EPHA7: variants seen among roughly 807,000 people sequenced by gnomAD.
EPHA7 encodes ephrin type-A receptor 7.
A neutral mutation model predicts 112.6 loss-of-function variants in EPHA7; 25 were observed. The observed-to-expected ratio is 0.22, with a 90% confidence interval of 0.16 to 0.31. The LOEUF is 0.31. Ranked by LOEUF, EPHA7 falls within the 10% of genes least tolerant of loss-of-function variation. The pLI, the probability that EPHA7 is intolerant of heterozygous loss-of-function variation, is 1.00. For missense variants in EPHA7, 962 were observed against 1,212.6 expected, an observed-to-expected ratio of 0.79 and a Z score of 3.07; for synonymous variants, 437 against 406.5, an observed-to-expected ratio of 1.07 and a Z score of -0.90.
At chr6:93,315,603 T>C (rs1263375926) in intron 5 of EPHA7, among the ~76,000 whole-genome samples, 2 of 152,196 alleles carry the variant, frequency 1.3e-5, no homozygotes, top group Non-Finnish European at 2.9e-5. Flanking sequence ...ATTTGAAAAA[T>C]CTCTGTAACA....
At chr6:93,354,456 T>C (rs1181215671) in intron 5 of EPHA7, among the ~76,000 whole-genome samples, 1 of 152,008 alleles carries the variant, frequency 6.6e-6, no homozygotes, top group African/African-American at 2.4e-5. Flanking sequence ...TGTTATTTAA[T>C]AAATGTATAG....
chr6:93,248,719 T>C (rs1672678722), intron 14 of EPHA7, among the ~76,000 whole-genome samples: 1 of 151,736 alleles, frequency 6.6e-6, no homozygotes, highest in Admixed American at 6.6e-5. Context: ...AAACGGAGTC[T>C]TGCTCTGTAA....
intron 3 of EPHA7, among the ~76,000 whole-genome samples, chr6:93,365,420 T>C (rs1280393109): frequency 6.6e-6 from 1 of 152,182 alleles, no homozygotes; most frequent in Non-Finnish European, 1.5e-5. Flanking sequence ...ATAGGAGCTT[T>C]CAAATATTTG....
intron 3 of EPHA7, among the ~76,000 whole-genome samples, chr6:93,396,293 T>C (rs1778168682): frequency 6.6e-6 from 1 of 151,892 alleles, no homozygotes; most frequent in Non-Finnish European, 1.5e-5. Context: ...AATGTACTTT[T>C]CTAGTCATTT....
chr6:93,262,823 A>T (rs920498145), intron 9 of EPHA7, among the ~76,000 whole-genome samples: 1 of 151,276 alleles, frequency 6.6e-6, no homozygotes, highest in Non-Finnish European at 1.5e-5. Context: ...TTGTCATTTG[A>T]GCTTTTTTAT....
chr6:93,315,085 A>T (rs1223242421), intron 5 of EPHA7, among the ~76,000 whole-genome samples: 1 of 149,746 alleles, frequency 6.7e-6, no homozygotes, highest in African/African-American at 2.5e-5. Flanking sequence ...GATGGTCTCG[A>T]TCTCCTGACC....
At chr6:93,384,083 T>C (rs552442322) in intron 3 of EPHA7, among the ~76,000 whole-genome samples, 2 of 152,248 alleles carry the variant, frequency 1.3e-5, no homozygotes, top group African/African-American at 4.8e-5. Flanking sequence ...CACTCAAAAA[T>C]ATTAAAATTA....
At chr6:93,415,087 G>C (rs1223643492) in intron 1 of EPHA7, among the ~76,000 whole-genome samples, 1 of 151,896 alleles carries the variant, frequency 6.6e-6, no homozygotes, top group East Asian at 1.9e-4. Flanking sequence ...TTACGGTTTT[G>C]TAAACCATTG....
chr6:93,274,630 T>G (rs1282623012), intron 5 of EPHA7, among the ~76,000 whole-genome samples: 1 of 151,836 alleles, frequency 6.6e-6, no homozygotes, highest in Non-Finnish European at 1.5e-5. Flanking sequence ...TATTTCTTTC[T>G]TTTTTTCTTG....
At position 93,255,865 on chromosome 6, in the gene EPHA7, A is replaced by T; in HGVS notation, c.2345T>A (p.Val782Asp). Reference sequence around the variant, plus strand: ...GACAGCTTCTGGATCATCCTCTATAACTCGGGACAGGCCAAAATCTGACAC... The same window carrying T: ...GACAGCTTCTGGATCATCCTCTATATCTCGGGACAGGCCAAAATCTGACAC... ...CKVSDFGLSR[V>D]IEDDPEAVYT... is the part of the protein sequence containing the mutation. The change falls in exon 13 of 17, where the codon GTT becomes GAT. Residue 782 changes from valine (V) to aspartate (D), a missense_variant. Coordinates refer to ENST00000369303, the MANE Select transcript of EPHA7 (RefSeq NM_004440.4). 6.2e-7 allele frequency: 1 copy of T among 1,614,010 alleles called. No individual in the cohort carries two copies. The highest frequency in any genetic ancestry group is 1.3e-5 in the African/African-American group (1 of 75,020).
chr6:93,329,601 AAAAGG>A (rs902019943), intron 5 of EPHA7, among the ~76,000 whole-genome samples: 4 of 151,342 alleles, frequency 2.6e-5, no homozygotes, highest in African/African-American at 9.7e-5. Flanking sequence ...CTTTTTTTAA[AAAAGG>A]AGACATTGCT....
intron 5 of EPHA7, among the ~76,000 whole-genome samples, chr6:93,353,286 A>G (rs1582577869): frequency 6.6e-6 from 1 of 152,112 alleles, no homozygotes; most frequent in East Asian, 1.9e-4. Flanking sequence ...CAAGAACAAA[A>G]ATGTATGGTT....
At chr6:93,370,008 G>C (rs969679223) in intron 3 of EPHA7, among the ~76,000 whole-genome samples, 2 of 152,162 alleles carry the variant, frequency 1.3e-5, no homozygotes, top group African/African-American at 4.8e-5. Flanking sequence ...AAGTCTCCCT[G>C]TTATGCTGCA....
chr6:93,273,857 A>G (rs1275492303), intron 5 of EPHA7, among the ~76,000 whole-genome samples: 1 of 152,004 alleles, frequency 6.6e-6, no homozygotes, highest in Non-Finnish European at 1.5e-5. Context: ...AACTCAGTAG[A>G]CTGCAACGTT....
rs146858918 is a variant in EPHA7 at position 93,394,522 on chromosome 6, C to T, written c.832+15979G>A. ...TGTATGATTAGGTTCAGGAACAATGCCAGGAGGAAACTATGTAAGATCTCA... is the reference window on the plus strand; with the variant it reads ...TGTATGATTAGGTTCAGGAACAATGTCAGGAGGAAACTATGTAAGATCTCA... On this transcript the variant is annotated intron_variant, in intron 3 of 16. Coordinates refer to ENST00000369303, the MANE Select transcript of EPHA7 (RefSeq NM_004440.4). Among the ~76,000 whole-genome samples, 19 of 151,448 alleles carry T rather than the reference C, an allele frequency of 1.3e-4. No homozygotes were observed. In the East Asian group the frequency reaches 3.5e-3, roughly 28 times the overall value.
chr6:93,329,667 G>GT (rs1310005531), intron 5 of EPHA7, among the ~76,000 whole-genome samples: 1 of 151,170 alleles, frequency 6.6e-6, no homozygotes, highest in Non-Finnish European at 1.5e-5. Flanking sequence ...AATAAACTTA[G>GT]TAACTTCATT....
At chr6:93,329,227 A>G (rs1327438480) in intron 5 of EPHA7, among the ~76,000 whole-genome samples, 1 of 151,376 alleles carries the variant, frequency 6.6e-6, no homozygotes, top group Non-Finnish European at 1.5e-5. Flanking sequence ...ACCAAAGATA[A>G]ATAACTGCAG....
intron 11 of EPHA7, 102 bp from the exon 12 acceptor site, chr6:93,257,625 G>A: frequency 1.3e-6 from 1 of 743,026 alleles, no homozygotes. Context: ...TTGAAAGAGT[G>A]AGTGTGAGAA....
intron 5 of EPHA7, among the ~76,000 whole-genome samples, chr6:93,273,137 T>C (rs533993626): frequency 1.4e-4 from 22 of 151,974 alleles, no homozygotes; most frequent in Non-Finnish European, 3.1e-4. Context: ...TCTTTCTATA[T>C]AGATAATAAT....
Sources: gnomAD v4.1 joint callset for allele counts (sites outside exome capture counted in the v4.1 genomes callset) on GRCh38, gnomAD v4.1.1 for gene constraint, MANE v1.5 for transcripts, NCBI Gene and HGNC (gene_info 2026-07-23, HGNC 2026-07-21) for gene names.